The following STPG2 variants were observed in gnomAD, a reference collection of about 807,000 sequenced individuals.
STPG2 encodes the protein sperm tail PG-rich repeat containing 2, also known as sperm-tail PG-rich repeat-containing protein 2.
A neutral mutation model predicts 54.2 loss-of-function variants in STPG2; 56 were observed. The ratio of observed to expected loss-of-function variants is 1.03; its 90% CI spans 0.83 to 1.29. The LOEUF (loss-of-function observed/expected upper bound fraction) is 1.29. Among genes scored for constraint, STPG2 ranks in the 50% most tolerant of loss-of-function variants. The pLI is 0.00. For synonymous variants in STPG2, 200 were observed against 181.8 expected (o/e 1.10, Z -0.81); for missense variants, 596 against 544.9 (o/e 1.09, Z -0.93).
At chr4:97,623,839 C>T (rs932317988) in intron 10 of STPG2, among the ~76,000 whole-genome samples, 5 of 152,102 alleles carry the variant, frequency 3.3e-5, no homozygotes, top group Admixed American at 6.6e-5. Flanking sequence ...CTCCCTGTAT[C>T]CATTTTTCCT....
intron 8 of STPG2, among the ~76,000 whole-genome samples, chr4:97,896,560 C>T (rs904295650): frequency 2.6e-5 from 4 of 151,686 alleles, no homozygotes; most frequent in African/African-American, 9.7e-5. Context: ...TGTTACTAAT[C>T]TATTCTTAAG....
In STPG2 at chr4:98,143,177, G is replaced by A. The variant is rs1167926397; in HGVS notation, c.-27C>T. 1 of 1,575,792 alleles carries A rather than the reference G, an allele frequency of 6.3e-7. No homozygotes were observed. Among genetic ancestry groups the A allele is most frequent in the Admixed American group, 1.7e-5 (1 of 58,888 alleles). On this transcript the variant is annotated 5_prime_UTR_variant, in exon 1 of 11. Transcript: ENST00000295268. ...GTGCTCGGGGTGGTGGGGGCGCTGG[G>A]GAAGGGCAGGTGCCGAAAACGATAA...
At chr4:97,453,897 T>C (rs1255416223) in intron 4 of STPG2, among the ~76,000 whole-genome samples, 1 of 152,082 alleles carries the variant, frequency 6.6e-6, no homozygotes, top group Non-Finnish European at 1.5e-5. Flanking sequence ...ATTTGGGCAC[T>C]AGAGAAGTAG....
At chr4:97,870,039 G>T (rs966385412) in intron 8 of STPG2, among the ~76,000 whole-genome samples, 3 of 151,460 alleles carry the variant, frequency 2.0e-5, no homozygotes, top group Non-Finnish European at 4.4e-5. Flanking sequence ...CTCCTTATGT[G>T]CTAATTTATA....
At chr4:97,747,470 T>TA (rs1725455031) in intron 9 of STPG2, among the ~76,000 whole-genome samples, 1 of 151,408 alleles carries the variant, frequency 6.6e-6, no homozygotes, top group Non-Finnish European at 1.5e-5. Flanking sequence ...TCTGTCCCAA[T>TA]TTTTTTGGTT....
chr4:97,750,132 T>C (rs896868970), intron 9 of STPG2, among the ~76,000 whole-genome samples: 2 of 151,912 alleles, frequency 1.3e-5, no homozygotes, highest in African/African-American at 4.8e-5. Context: ...GAATGCTTTC[T>C]TGCAGTTTTT....
intron 10 of STPG2, among the ~76,000 whole-genome samples, chr4:97,660,137 G>T (rs544966814): frequency 6.6e-6 from 1 of 152,036 alleles, no homozygotes; most frequent in South Asian, 2.1e-4. Context: ...TGAGTAGCTG[G>T]GACTACAGGC....
intron 4 of STPG2, among the ~76,000 whole-genome samples, chr4:97,523,264 T>C (rs1731218110): frequency 6.6e-6 from 1 of 151,862 alleles, no homozygotes; most frequent in Non-Finnish European, 1.5e-5. Flanking sequence ...TAATAGAGTC[T>C]CTTCTACCCC....
intron 9 of STPG2, among the ~76,000 whole-genome samples, chr4:97,837,660 G>C (rs1302444014): frequency 6.6e-6 from 1 of 151,524 alleles, no homozygotes; most frequent in Non-Finnish European, 1.5e-5. Flanking sequence ...AATATACTGA[G>C]TCTAGATGTA....
At chr4:97,969,428 C>T (rs976653349) in intron 7 of STPG2, among the ~76,000 whole-genome samples, 13 of 152,190 alleles carry the variant, frequency 8.5e-5, no homozygotes, top group African/African-American at 4.8e-5. Flanking sequence ...CCTGCCCTCA[C>T]TAAACTTAAT....
chr4:97,736,146 T>TA (rs141246934), intron 9 of STPG2, among the ~76,000 whole-genome samples: 2,669 of 152,136 alleles, frequency 0.018, 73 homozygotes, highest in African/African-American at 0.061. Context: ...CCTCAGAAAT[T>TA]AAAAATAGAA....
intron 6 of STPG2, among the ~76,000 whole-genome samples, chr4:97,980,158 C>T (rs2149262449): frequency 6.6e-6 from 1 of 152,006 alleles, no homozygotes; most frequent in East Asian, 1.9e-4. Flanking sequence ...GAACTCCAGC[C>T]TGGATGACAG....
chr4:97,684,709 A>G (rs567298680), intron 10 of STPG2, among the ~76,000 whole-genome samples: 4 of 151,966 alleles, frequency 2.6e-5, no homozygotes, highest in African/African-American at 9.6e-5. Context: ...TAGATACAAC[A>G]CTAAAAACAA....
chr4:97,928,838 CTTCTT>C (rs1732432526), intron 8 of STPG2, among the ~76,000 whole-genome samples: 1 of 151,706 alleles, frequency 6.6e-6, no homozygotes, highest in Admixed American at 6.6e-5. Context: ...ATAATTAAGT[CTTCTT>C]TTATTTGTGT....
intron 3 of STPG2, among the ~76,000 whole-genome samples, chr4:98,120,042 T>C (rs1385120072): frequency 6.6e-6 from 1 of 152,178 alleles, no homozygotes; most frequent in African/African-American, 2.4e-5. Context: ...CTATTGTGAA[T>C]AGTGCTGGAA....
At chr4:97,859,872 T>C (rs1428219908) in intron 8 of STPG2, among the ~76,000 whole-genome samples, 1 of 152,252 alleles carries the variant, frequency 6.6e-6, no homozygotes, top group Non-Finnish European at 1.5e-5. Context: ...CAGATTTAAG[T>C]ATTTGATCCA....
rs1394665421 is a variant in STPG2 at position 97,840,920 on chromosome 4, G to A, written c.1057C>T (p.Pro353Ser). ...GATTTGTGAACATCATAGCTGCCTGGCGCTGGAATAACCTGAAAAAAAATT... is the reference window on the plus strand; with the variant it reads ...GATTTGTGAACATCATAGCTGCCTGACGCTGGAATAACCTGAAAAAAAATT... The part of the protein sequence containing the change: ...MKVPDMVIPA[P>S]GSYDVHKSYE... The change falls in exon 9 of 11, where the codon CCA becomes TCA. Residue 353 changes from proline (P) to serine (S), a missense_variant. Transcript: ENST00000295268. 2 of 1,610,568 alleles carry A rather than the reference G, an allele frequency of 1.2e-6. No homozygotes were observed. The highest frequency in any genetic ancestry group is 2.2e-5 in the South Asian group (2 of 90,768).
chr4:97,497,063 G>A (rs1450368475), intron 4 of STPG2, among the ~76,000 whole-genome samples: 1 of 149,654 alleles, frequency 6.7e-6, no homozygotes, highest in Non-Finnish European at 1.5e-5. Flanking sequence ...TTAAAGCTGA[G>A]TTGTATAAGA....
intron 9 of STPG2, among the ~76,000 whole-genome samples, chr4:97,785,311 A>G (rs1391459949): frequency 6.6e-6 from 1 of 152,042 alleles, no homozygotes; most frequent in African/African-American, 2.4e-5. Flanking sequence ...TCATTTTAAT[A>G]TATTATAAAG....
Sources: allele counts gnomAD v4.1 joint callset (sites outside exome capture counted in the v4.1 genomes callset), GRCh38; gene constraint gnomAD v4.1.1; transcripts MANE v1.5; gene names NCBI Gene and HGNC (gene_info 2026-07-23, HGNC 2026-07-21).